Variants in GRIA3 observed in about 807,000 individuals in gnomAD.
The protein encoded by GRIA3 is glutamate receptor 3.
GRIA3 carries 3 observed loss-of-function variants against 63.0 expected under a neutral mutation model. That is an observed-to-expected ratio of 0.05 (90% CI 0.02 to 0.12). GRIA3 has a LOEUF of 0.12. GRIA3 is among the 10% of genes least tolerant of loss of function. The pLI is 1.00. For missense variants in GRIA3, 347 were observed against 700.9 expected (o/e 0.50, Z 5.70); for synonymous variants, 274 against 257.9 (o/e 1.06, Z -0.60).
Position 123,465,005 on chromosome X carries a change from C to T in GRIA3, c.2217C>T (p.Thr739=). 2 of 1,209,583 alleles carry T rather than the reference C, an allele frequency of 1.7e-6. No individual in the cohort carries two copies. The highest frequency in any genetic ancestry group is 5.9e-5 in the East Asian group (2 of 33,819). The change falls in exon 13 of 16, where the codon ACC becomes ACT. Residue 739 remains threonine (T), a synonymous_variant. Transcript: ENST00000620443. ...AGTTCGCCTTCCTGCTGGAGTCAAC[C>T]ATGAATGAGTACATTGAGCAGAGAA... ...KGKFAFLLES[T]MNEYIEQRKP...
intron 3 of GRIA3, among the ~76,000 whole-genome samples, chrX:123,262,318 G>A (rs2044464923): frequency 1.8e-5 from 2 of 111,805 alleles, no homozygotes; most frequent in South Asian, 7.7e-4. Context: ...AATAGAGAGT[G>A]AGGGTAATTT....
intron 3 of GRIA3, among the ~76,000 whole-genome samples, chrX:123,278,336 T>C (rs1392141881): frequency 8.9e-6 from 1 of 112,405 alleles, no homozygotes; most frequent in Non-Finnish European, 1.9e-5. Flanking sequence ...CCTTGTCACA[T>C]GTATAGTGTG....
chrX:123,352,624 ACG>A lies in GRIA3; in HGVS notation c.697-2285_697-2284del, dbSNP rs1156387481. Among the ~76,000 whole-genome samples, 3 of 111,973 alleles carry A rather than the reference ACG, an allele frequency of 2.7e-5. No individual in the cohort carries two copies. The East Asian group carries it at 8.4e-4, about 31-fold the overall frequency. On this transcript the variant is annotated intron_variant, in intron 4 of 15. Transcript: ENST00000620443. Reference sequence around the variant, plus strand: ...CTAAACTCTGCCTCTGATGAAAAAGACGTATTCCTTTTCCTTGGGATTCCTTC... The same window carrying A: ...CTAAACTCTGCCTCTGATGAAAAAGATATTCCTTTTCCTTGGGATTCCTTC...
chrX:123,329,680 A>G, intron 4 of GRIA3, among the ~76,000 whole-genome samples: 1 of 111,555 alleles, frequency 9.0e-6, no homozygotes, highest in Non-Finnish European at 1.9e-5. Context: ...ATATTTAGAG[A>G]TGGTATATCC....
At chrX:123,478,602 AGC>A (rs1303096242) in intron 13 of GRIA3, among the ~76,000 whole-genome samples, 4 of 112,443 alleles carry the variant, frequency 3.6e-5, no homozygotes, top group Non-Finnish European at 7.5e-5. Context: ...TGTTTTAAAC[AGC>A]AAATGAGGGA....
At chrX:123,318,122 T>C (rs1338208865) in intron 3 of GRIA3, among the ~76,000 whole-genome samples, 1 of 112,334 alleles carries the variant, frequency 8.9e-6, no homozygotes, top group African/African-American at 3.2e-5. Flanking sequence ...CTGGAGCAGC[T>C]GGGACACAAG....
intron 7 of GRIA3, among the ~76,000 whole-genome samples, chrX:123,402,762 A>G (rs1569431039): frequency 9.0e-6 from 1 of 111,188 alleles, no homozygotes; most frequent in South Asian, 3.8e-4. Context: ...ATTATATTAT[A>G]TAAGTAACAG....
chrX:123,432,922 G>A (rs924145833), intron 12 of GRIA3, among the ~76,000 whole-genome samples: 1 of 111,488 alleles, frequency 9.0e-6, no homozygotes, highest in African/African-American at 3.3e-5. Flanking sequence ...CACCCTTTTT[G>A]AAACAAGCAA....
At chrX:123,433,799 G>A (rs925875114) in intron 12 of GRIA3, among the ~76,000 whole-genome samples, 2 of 112,110 alleles carry the variant, frequency 1.8e-5, no homozygotes, top group African/African-American at 6.5e-5. Flanking sequence ...GTCCTGCCTC[G>A]TGAGTTACAG....
At chrX:123,429,684 C>T (rs1044307906) in intron 12 of GRIA3, among the ~76,000 whole-genome samples, 1 of 111,086 alleles carries the variant, frequency 9.0e-6, no homozygotes, top group African/African-American at 3.3e-5. Context: ...TGATAACCAT[C>T]CCAATAGGCA....
intron 4 of GRIA3, among the ~76,000 whole-genome samples, chrX:123,343,593 C>A (rs759587777): frequency 1.9e-5 from 2 of 102,705 alleles, no homozygotes; most frequent in Non-Finnish European, 4.0e-5. Flanking sequence ...GAGAGAAAGA[C>A]AGAGAGAGAG....
chrX:123,351,668 T>C (rs1204681453), intron 4 of GRIA3, among the ~76,000 whole-genome samples: 2 of 112,018 alleles, frequency 1.8e-5, no homozygotes, highest in Non-Finnish European at 3.8e-5. Context: ...AATGTACCTC[T>C]TTCTAATATC....
intron 5 of GRIA3, among the ~76,000 whole-genome samples, chrX:123,377,748 C>T (rs1156811970): frequency 9.0e-6 from 1 of 111,646 alleles, no homozygotes; most frequent in Middle Eastern, 4.2e-3. Flanking sequence ...ATAGCCCCTC[C>T]ATCATCACCA....
intron 2 of GRIA3, among the ~76,000 whole-genome samples, chrX:123,198,042 C>G (rs927804491): frequency 8.9e-6 from 1 of 112,222 alleles, no homozygotes. Context: ...ACTGCCCTGG[C>G]ACACAAATGG....
At chrX:123,472,544 T>G (rs1346900257) in intron 13 of GRIA3, among the ~76,000 whole-genome samples, 1 of 111,860 alleles carries the variant, frequency 8.9e-6, no homozygotes, top group Non-Finnish European at 1.9e-5. Flanking sequence ...AAACTTAGCA[T>G]TTTCCCTGAG....
At chrX:123,360,875 A>T (rs1353401706) in intron 5 of GRIA3, among the ~76,000 whole-genome samples, 8 of 101,842 alleles carry the variant, frequency 7.9e-5, no homozygotes, top group African/African-American at 1.8e-4. Flanking sequence ...ACACACACAC[A>T]CACACACACA....
At chrX:123,297,721 T>C (rs1435390354) in intron 3 of GRIA3, among the ~76,000 whole-genome samples, 1 of 111,200 alleles carries the variant, frequency 9.0e-6, no homozygotes, top group Non-Finnish European at 1.9e-5. Context: ...TGGAAAATAT[T>C]TTTTTTAACT....
At chrX:123,262,647 G>A (rs2044466533) in intron 3 of GRIA3, among the ~76,000 whole-genome samples, 2 of 112,093 alleles carry the variant, frequency 1.8e-5, no homozygotes, top group Admixed American at 1.9e-4. Flanking sequence ...TGGCCAGAGA[G>A]ACATATTAAG....
intron 15 of GRIA3, among the ~76,000 whole-genome samples, chrX:123,486,744 C>G (rs2045944167): frequency 8.9e-6 from 1 of 111,771 alleles, no homozygotes; most frequent in Non-Finnish European, 1.9e-5. Context: ...AATTTGTTAC[C>G]TAGTTATTAG....
Sources: gnomAD v4.1 joint callset for allele counts (sites outside exome capture counted in the v4.1 genomes callset) on GRCh38, gnomAD v4.1.1 for gene constraint, MANE v1.5 for transcripts, NCBI Gene and HGNC (gene_info 2026-07-23, HGNC 2026-07-21) for gene names.